TDRD3: variants seen among roughly 807,000 people sequenced by gnomAD.
TDRD3 encodes the protein tudor domain containing 3, also known as tudor domain-containing protein 3.
Under a neutral mutation model 86.7 loss-of-function variants are expected in TDRD3, and 45 were observed. The ratio of observed to expected loss-of-function variants is 0.52; its 90% CI spans 0.41 to 0.67. TDRD3 has a LOEUF of 0.67. TDRD3 is among the 30% of genes least tolerant of loss of function. TDRD3 has a pLI of 0.00. For synonymous variants in TDRD3, 298 were observed against 301.7 expected (o/e 0.99, Z 0.13); for missense variants, 814 against 889.0 (o/e 0.92, Z 1.07).
chr13:60,541,410 G>A lies in TDRD3; in HGVS notation c.2118+6177G>A, dbSNP rs1449746610. On this transcript the variant is annotated intron_variant, in intron 12 of 13. Transcript: ENST00000377881. ...TTGAACTCCTGACCTCAGGTGATCC[G>A]CCTGCTTTGGCCTCCGAAAGTGCTG... is the stretch of plus-strand genomic sequence containing the variant. Among the ~76,000 whole-genome samples, 4 of 151,924 alleles carry A rather than the reference G, an allele frequency of 2.6e-5. No individual in the cohort carries two copies. The South Asian group carries it at 6.2e-4, about 24-fold the overall frequency.
intron 1 of TDRD3, chr13:60,433,975 A>T (rs940251617): frequency 4.6e-5 from 7 of 152,218 alleles, no homozygotes; most frequent in Non-Finnish European, 8.8e-5. Context: ...AATGAGTTTA[A>T]AACAATAGTG....
intron 1 of TDRD3, among the ~76,000 whole-genome samples, chr13:60,436,632 G>A (rs185337533): frequency 4.4e-4 from 67 of 152,110 alleles, no homozygotes; most frequent in African/African-American, 1.3e-3. Flanking sequence ...GTATCATTGC[G>A]TATTTTTATA....
chr13:60,411,616 C>T (rs1022901513), intron 1 of TDRD3, among the ~76,000 whole-genome samples: 1 of 151,092 alleles, frequency 6.6e-6, no homozygotes, highest in African/African-American at 2.4e-5. Flanking sequence ...TTTTTTTGGT[C>T]ACAAAACAAC....
chr13:60,397,760 G>T (rs1256810576), intron 1 of TDRD3, among the ~76,000 whole-genome samples: 2 of 151,728 alleles, frequency 1.3e-5, no homozygotes, highest in Non-Finnish European at 2.9e-5. Context: ...CGTCCGCGCG[G>T]CTTCTCCGGG....
At chr13:60,542,397 A>G (rs1345895180) in intron 12 of TDRD3, among the ~76,000 whole-genome samples, 3 of 152,162 alleles carry the variant, frequency 2.0e-5, no homozygotes, top group Non-Finnish European at 4.4e-5. Flanking sequence ...ACTCATGTCA[A>G]TATATTTTAA....
intron 10 of TDRD3, among the ~76,000 whole-genome samples, chr13:60,517,772 C>T (rs1162921017): frequency 6.6e-6 from 1 of 152,112 alleles, no homozygotes; most frequent in Admixed American, 6.5e-5. Context: ...AACTTGTTAC[C>T]TTTAATAGTT....
At chr13:60,496,841 C>G (rs1435957983) in intron 8 of TDRD3, among the ~76,000 whole-genome samples, 3 of 152,140 alleles carry the variant, frequency 2.0e-5, no homozygotes, top group African/African-American at 7.2e-5. Context: ...TTAGAGCTCC[C>G]AAGATGGTGG....
intron 2 of TDRD3, among the ~76,000 whole-genome samples, chr13:60,442,800 G>A (rs1955311033): frequency 6.6e-6 from 1 of 151,860 alleles, no homozygotes. Context: ...AAATTAACTG[G>A]GTTTAGAGAA....
chr13:60,561,875 G>T (rs796533247), intron 12 of TDRD3, among the ~76,000 whole-genome samples: 3,860 of 121,046 alleles, frequency 0.032, 104 homozygotes, highest in African/African-American at 0.065. Flanking sequence ...TGTTGTTGTT[G>T]TTGTTGTTGT....
chr13:60,399,267 G>C (rs754361356), intron 1 of TDRD3, among the ~76,000 whole-genome samples: 6 of 152,144 alleles, frequency 3.9e-5, no homozygotes, highest in South Asian at 2.1e-4. Context: ...ACCCTGCTTC[G>C]TTATATTGTT....
At chr13:60,549,579 T>C (rs1198870873) in intron 12 of TDRD3, among the ~76,000 whole-genome samples, 1 of 152,144 alleles carries the variant, frequency 6.6e-6, no homozygotes, top group East Asian at 1.9e-4. Context: ...AAGACACGTG[T>C]GTGTGTGCAC....
chr13:60,484,950 G>A (rs1236329499), intron 6 of TDRD3, among the ~76,000 whole-genome samples: 7 of 151,898 alleles, frequency 4.6e-5, no homozygotes, highest in Non-Finnish European at 1.0e-4. Flanking sequence ...GCTTCTTAGG[G>A]GTTAGAGAAT....
At chr13:60,535,947 T>C (rs906434899) in intron 12 of TDRD3, 1 of 152,172 alleles carries the variant, frequency 6.6e-6, no homozygotes, top group African/African-American at 2.4e-5. Flanking sequence ...CGTACTTCTT[T>C]CATTTCTTTA....
At chr13:60,463,959 G>A (rs1272047689) in intron 4 of TDRD3, among the ~76,000 whole-genome samples, 3 of 152,162 alleles carry the variant, frequency 2.0e-5, no homozygotes, top group Non-Finnish European at 2.9e-5. Context: ...CTCATTAATG[G>A]CTTGGTGCCA....
chr13:60,518,028 G>A (rs576126626), intron 10 of TDRD3, among the ~76,000 whole-genome samples: 1 of 152,326 alleles, frequency 6.6e-6, no homozygotes, highest in Non-Finnish European at 1.5e-5. Flanking sequence ...TTAGGACATT[G>A]CAGTCTCTGG....
chr13:60,402,328 C>T (rs557076480), intron 1 of TDRD3, among the ~76,000 whole-genome samples: 3 of 152,288 alleles, frequency 2.0e-5, no homozygotes, highest in Admixed American at 6.5e-5. Context: ...AGTACAACCT[C>T]TGCAGTAGCA....
At chr13:60,499,798 A>G (rs2137594312) in intron 8 of TDRD3, among the ~76,000 whole-genome samples, 1 of 152,354 alleles carries the variant, frequency 6.6e-6, no homozygotes, top group South Asian at 2.1e-4. Flanking sequence ...AAGAGGCACA[A>G]TGCCTAGTGG....
At chr13:60,497,093 C>T (rs1428550474) in intron 8 of TDRD3, among the ~76,000 whole-genome samples, 1 of 152,166 alleles carries the variant, frequency 6.6e-6, no homozygotes, top group Non-Finnish European at 1.5e-5. Context: ...CAGCTGGCAC[C>T]CCACTGGATC....
chr13:60,526,024 C>A (rs1352918833), intron 10 of TDRD3, among the ~76,000 whole-genome samples: 1 of 152,170 alleles, frequency 6.6e-6, no homozygotes, highest in Admixed American at 6.5e-5. Context: ...ATCTGCCAAG[C>A]CTGGCTGAAC....
Sources: allele counts gnomAD v4.1 joint callset (sites outside exome capture counted in the v4.1 genomes callset), GRCh38; gene constraint gnomAD v4.1.1; transcripts MANE v1.5; gene names NCBI Gene and HGNC (gene_info 2026-07-23, HGNC 2026-07-21).